The following RPS6KC1 variants were observed in gnomAD, a reference collection of about 807,000 sequenced individuals.
RPS6KC1 encodes inactive ribosomal protein S6 kinase delta-1.
In RPS6KC1, 54 loss-of-function variants were observed where a neutral mutation model predicts 103.8. The ratio of observed to expected loss-of-function variants is 0.52; its 90% CI spans 0.42 to 0.65. The LOEUF (loss-of-function observed/expected upper bound fraction) is 0.65, where lower values mean the gene tolerates loss of function less well. RPS6KC1 is among the 30% of genes least tolerant of loss of function. RPS6KC1 has a pLI of 0.00. For synonymous variants in RPS6KC1, 439 were observed against 438.7 expected, an observed-to-expected ratio of 1.00 and a Z score of -0.01; for missense variants, 1,151 against 1,253.8, an observed-to-expected ratio of 0.92 and a Z score of 1.24.
chr1:213,152,056 T>C (rs2089128433), intron 6 of RPS6KC1, among the ~76,000 whole-genome samples: 1 of 138,378 alleles, frequency 7.2e-6, no homozygotes, highest in Non-Finnish European at 1.6e-5. Flanking sequence ...GGCGGGGGGC[T>C]AACCCCCCCA....
At chr1:213,414,824 G>T in the RPS6KC1 span, among the ~76,000 whole-genome samples, 2 of 151,898 alleles carry the variant, frequency 1.3e-5, no homozygotes, top group African/African-American at 2.4e-5. Flanking sequence ...GGGCAGGGTG[G>T]GGGCAGAGGT....
At chr1:213,830,021 T>C in the RPS6KC1 span, among the ~76,000 whole-genome samples, 1 of 152,202 alleles carries the variant, frequency 6.6e-6, no homozygotes, top group Admixed American at 6.5e-5. Context: ...TGATTAGGCC[T>C]GTCAGAACCT....
the RPS6KC1 span, among the ~76,000 whole-genome samples, chr1:213,418,849 T>G: frequency 5.3e-5 from 8 of 152,132 alleles, no homozygotes; most frequent in Non-Finnish European, 1.2e-4. Context: ...CAGCTTTACT[T>G]CCAAGGCCAG....
the RPS6KC1 span, among the ~76,000 whole-genome samples, chr1:213,621,769 C>T: frequency 6.6e-6 from 1 of 152,150 alleles, no homozygotes; most frequent in South Asian, 2.1e-4. Flanking sequence ...AACTGCAGAG[C>T]ATTAAAGTGT....
At chr1:213,361,519 C>T in the RPS6KC1 span, among the ~76,000 whole-genome samples, 3 of 152,368 alleles carry the variant, frequency 2.0e-5, no homozygotes, top group African/African-American at 7.2e-5. Flanking sequence ...TGAGGCGATG[C>T]CTCGCCCTCC....
chr1:213,373,275 C>T, the RPS6KC1 span, among the ~76,000 whole-genome samples: 1 of 152,192 alleles, frequency 6.6e-6, no homozygotes, highest in Non-Finnish European at 1.5e-5. Context: ...TAAATCCTGA[C>T]ATCCATACAA....
At chr1:213,474,300 G>C in the RPS6KC1 span, among the ~76,000 whole-genome samples, 1 of 152,152 alleles carries the variant, frequency 6.6e-6, no homozygotes, top group Admixed American at 6.5e-5. Flanking sequence ...GACAGCCAGC[G>C]GAAGGGACCT....
chr1:213,749,518 T>A, the RPS6KC1 span, among the ~76,000 whole-genome samples: 3 of 151,998 alleles, frequency 2.0e-5, no homozygotes, highest in African/African-American at 7.3e-5. Context: ...ATCTGCTGGG[T>A]CTTTACCTAC....
intron 8 of RPS6KC1, among the ~76,000 whole-genome samples, chr1:213,191,919 C>T (rs1438589255): frequency 6.6e-6 from 1 of 152,098 alleles, no homozygotes; most frequent in Non-Finnish European, 1.5e-5. Flanking sequence ...AGCGATTCTC[C>T]TGAGTCAGCC....
At chr1:213,164,362 A>G (rs951656732) in intron 6 of RPS6KC1, among the ~76,000 whole-genome samples, 1 of 152,198 alleles carries the variant, frequency 6.6e-6, no homozygotes, top group Admixed American at 6.5e-5. Context: ...AATTTCATCA[A>G]CAACTTTGGA....
At chr1:213,829,016 G>A in the RPS6KC1 span, among the ~76,000 whole-genome samples, 1 of 152,172 alleles carries the variant, frequency 6.6e-6, no homozygotes, top group Non-Finnish European at 1.5e-5. Flanking sequence ...AGTGGGTGCA[G>A]AGAGTGGCAG....
intron 1 of RPS6KC1, among the ~76,000 whole-genome samples, chr1:213,060,580 T>G (rs1238175263): frequency 1.3e-5 from 2 of 152,230 alleles, no homozygotes; most frequent in African/African-American, 4.8e-5. Flanking sequence ...TAAATGGAAC[T>G]TAAAAAATGT....
At chr1:213,116,687 G>C (rs1454891687) in intron 4 of RPS6KC1, among the ~76,000 whole-genome samples, 1 of 151,682 alleles carries the variant, frequency 6.6e-6, no homozygotes, top group East Asian at 1.9e-4. Flanking sequence ...GCAGTGGCTG[G>C]TACCAGTTGT....
At chr1:213,324,456 T>C in the RPS6KC1 span, among the ~76,000 whole-genome samples, 1 of 152,178 alleles carries the variant, frequency 6.6e-6, no homozygotes, top group African/African-American at 2.4e-5. Flanking sequence ...GATCTTGGAC[T>C]CCAAGCTTCT....
At chr1:213,531,543 A>G in the RPS6KC1 span, among the ~76,000 whole-genome samples, 1 of 152,202 alleles carries the variant, frequency 6.6e-6, no homozygotes, top group Admixed American at 6.5e-5. Context: ...GGGTCAATAA[A>G]TGGAGCTCAG....
chr1:213,472,745 T>C, the RPS6KC1 span, among the ~76,000 whole-genome samples: 1 of 152,166 alleles, frequency 6.6e-6, no homozygotes, highest in Non-Finnish European at 1.5e-5. Context: ...AAAATTAACA[T>C]GAATCTTTTC....
At chr1:213,746,242 T>C in the RPS6KC1 span, among the ~76,000 whole-genome samples, 1 of 152,234 alleles carries the variant, frequency 6.6e-6, no homozygotes, top group South Asian at 2.1e-4. Flanking sequence ...AGAGTAGGAA[T>C]GCTCTACAAC....
intron 6 of RPS6KC1, among the ~76,000 whole-genome samples, chr1:213,151,595 G>A (rs2088928145): frequency 1.1e-5 from 1 of 92,804 alleles, no homozygotes; most frequent in African/African-American, 5.3e-5. Context: ...TGGCCGGGCG[G>A]GGGGCTGACC....
chr1:213,787,667 T>C, the RPS6KC1 span, among the ~76,000 whole-genome samples: 1 of 152,116 alleles, frequency 6.6e-6, no homozygotes, highest in South Asian at 2.1e-4. Flanking sequence ...TGGGATTTAT[T>C]GGGGGGAGGG....
Sources: gnomAD v4.1 joint callset for allele counts (sites outside exome capture counted in the v4.1 genomes callset) on GRCh38, gnomAD v4.1.1 for gene constraint, MANE v1.5 for transcripts, NCBI Gene and HGNC (gene_info 2026-07-23, HGNC 2026-07-21) for gene names.